HSD17B3: variants seen among roughly 807,000 people sequenced by gnomAD.
HSD17B3 encodes the protein 17-beta-hydroxysteroid dehydrogenase type 3.
Under a neutral mutation model 41.1 loss-of-function variants are expected in HSD17B3, and 29 were observed. That is an observed-to-expected ratio of 0.71 (90% confidence interval 0.53 to 0.96). HSD17B3 has a LOEUF of 0.96. Among genes scored for constraint, HSD17B3 ranks in the 40% least tolerant of loss-of-function variants. HSD17B3 has a pLI of 0.00. For missense variants in HSD17B3, 323 were observed against 374.6 expected (o/e 0.86, Z 1.14); for synonymous variants, 126 against 145.6 (o/e 0.87, Z 0.97).
At chr9:96,266,381 T>G (rs1191136659) in intron 2 of HSD17B3, among the ~76,000 whole-genome samples, 1 of 152,010 alleles carries the variant, frequency 6.6e-6, no homozygotes, top group Non-Finnish European at 1.5e-5. Context: ...TAAGTGATCC[T>G]CCCACCTCAG....
At chr9:96,242,005 G>GAAAGAAAGAAAGAAAGAA (rs10639457) in intron 9 of HSD17B3, among the ~76,000 whole-genome samples, 3 of 68,530 alleles carry the variant, frequency 4.4e-5, no homozygotes, top group Non-Finnish European at 6.3e-5. Flanking sequence ...AAGAAAGAAA[G>GAAAGAAAGAAAGAAAGAA]AGAAAGAAAA....
intron 6 of HSD17B3, among the ~76,000 whole-genome samples, chr9:96,249,045 A>G (rs1172676369): frequency 6.6e-6 from 1 of 152,000 alleles, no homozygotes; most frequent in Non-Finnish European, 1.5e-5. Flanking sequence ...AGCTGGGATT[A>G]CAGGTGCCTG....
intron 2 of HSD17B3, among the ~76,000 whole-genome samples, chr9:96,256,033 G>A (rs1428173412): frequency 6.6e-6 from 1 of 152,196 alleles, no homozygotes; most frequent in Non-Finnish European, 1.5e-5. Flanking sequence ...AGAAAAGTTA[G>A]AGTTTTTCCT....
At position 96,251,476 on chromosome 9, in the gene HSD17B3, A is replaced by G. The variant is rs1825407679; in HGVS notation, c.395T>C (p.Val132Ala). The change falls in exon 5 of 11, where the codon GTC becomes GCC. Residue 132 changes from valine to alanine, a missense_variant. Val to Ala is a moderately conservative substitution (Grantham distance 64, BLOSUM62 0). Coordinates refer to ENST00000375263, the MANE Select transcript of HSD17B3 (RefSeq NM_000197.2). ...GLEIGILVNN[V>A]GMLPNLLPSH... ...TGGGAGAAGGTTTGGAAGCATTCCGACATTGTTGACTGGCAGAAAGAAGCA... is the reference window on the plus strand; with the variant it reads ...TGGGAGAAGGTTTGGAAGCATTCCGGCATTGTTGACTGGCAGAAAGAAGCA... 6.2e-7 allele frequency: 1 copy of G among 1,614,124 alleles called. No homozygotes were observed. Among genetic ancestry groups the G allele is most frequent in the Non-Finnish European group, 8.5e-7 (1 of 1,179,960 alleles).
At chr9:96,264,448 A>G (rs1305830858) in intron 2 of HSD17B3, among the ~76,000 whole-genome samples, 1 of 152,202 alleles carries the variant, frequency 6.6e-6, no homozygotes, top group Non-Finnish European at 1.5e-5. Flanking sequence ...AAAGTGGGAT[A>G]AAGGATCAGA....
At position 96,259,254 on chromosome 9, in the gene HSD17B3, A is replaced by G. The variant is rs376221933; in HGVS notation, c.202-4311T>C. On this transcript the variant is annotated intron_variant, in intron 2 of 10. Coordinates refer to ENST00000375263, the MANE Select transcript of HSD17B3 (RefSeq NM_000197.2). ...GAGAGAGTAGGCATCTGGGTGGACA[A>G]TGAGTTGTTCCTGCCACCAGGATCT... Among the ~76,000 whole-genome samples the G allele has an allele frequency of 1.2e-4, 18 of 152,276 alleles. No individual in the cohort carries two copies. The South Asian group carries it at 3.7e-3, about 32-fold the overall frequency.
intron 2 of HSD17B3, among the ~76,000 whole-genome samples, chr9:96,268,037 G>A (rs539709281): frequency 5.3e-5 from 8 of 152,290 alleles, no homozygotes; most frequent in African/African-American, 1.7e-4. Flanking sequence ...CGATTCTCCT[G>A]CCTCAACCTC....
At chr9:96,256,973 T>A (rs1250176930) in intron 2 of HSD17B3, among the ~76,000 whole-genome samples, 3 of 152,098 alleles carry the variant, frequency 2.0e-5, no homozygotes, top group African/African-American at 2.4e-5. Context: ...GAGTGAGTCA[T>A]CTCCGGATCT....
chr9:96,274,350 G>T (rs1351645446), intron 2 of HSD17B3, among the ~76,000 whole-genome samples: 1 of 152,116 alleles, frequency 6.6e-6, no homozygotes. Flanking sequence ...ATCCCAGCTG[G>T]CTCAGGAGGC....
intron 4 of HSD17B3, among the ~76,000 whole-genome samples, chr9:96,252,211 G>A (rs1014689315): frequency 1.3e-5 from 2 of 152,070 alleles, no homozygotes; most frequent in Non-Finnish European, 2.9e-5. Flanking sequence ...AAATGTCAAC[G>A]TCAGTTCCAT....
Position 96,249,736 on chromosome 9 carries a change from A to C in HSD17B3, c.489+15T>G. On this transcript the variant is annotated intron_variant, in intron 6 of 10. Coordinates refer to ENST00000375263, the MANE Select transcript of HSD17B3 (RefSeq NM_000197.2). ...CTACATGTTAATGCATTTCGCACAT[A>C]TATTGATCACATACCTTGACTACGG... 6.2e-7 allele frequency: 1 copy of C among 1,613,356 alleles called. No individual in the cohort carries two copies. Among genetic ancestry groups the C allele is most frequent in the South Asian group, 1.1e-5 (1 of 91,078 alleles).
At chr9:96,249,997 C>G in intron 5 of HSD17B3, 1 of 1,455,076 alleles carries the variant, frequency 6.9e-7, no homozygotes, top group Non-Finnish European at 9.0e-7. Flanking sequence ...TCTGTACCCA[C>G]GTCATCTTGA....
intron 2 of HSD17B3, among the ~76,000 whole-genome samples, chr9:96,279,303 G>A (rs1826593906): frequency 6.6e-6 from 1 of 152,106 alleles, no homozygotes; most frequent in East Asian, 1.9e-4. Context: ...ATCAATACAT[G>A]TAAGATGTAC....
chr9:96,291,280 G>A (rs1441733572), intron 2 of HSD17B3, among the ~76,000 whole-genome samples: 2 of 152,038 alleles, frequency 1.3e-5, no homozygotes, highest in Non-Finnish European at 2.9e-5. Context: ...GTGGAGAGCA[G>A]TAAAGAAGTG....
intron 2 of HSD17B3, among the ~76,000 whole-genome samples, chr9:96,277,276 G>T (rs1259100762): frequency 6.6e-6 from 1 of 151,936 alleles, no homozygotes; most frequent in Non-Finnish European, 1.5e-5. Context: ...GAGTGAAAAG[G>T]TAACCTACAA....
chr9:96,241,753 G>A (rs1256837790), intron 9 of HSD17B3, among the ~76,000 whole-genome samples: 1 of 151,984 alleles, frequency 6.6e-6, no homozygotes, highest in East Asian at 1.9e-4. Context: ...TGAGCAACAT[G>A]GCAAAACCTC....
chr9:96,299,521 G>A (rs545019776), intron 1 of HSD17B3, among the ~76,000 whole-genome samples: 38 of 152,190 alleles, frequency 2.5e-4, no homozygotes, highest in Non-Finnish European at 1.0e-4. Flanking sequence ...CAATAATAAC[G>A]ACGGATAACG....
rs1827412992 is a variant in HSD17B3, at chr9:96,297,492, AC to A, written c.201+923del. On this transcript the variant is annotated intron_variant, in intron 2 of 10. Coordinates refer to ENST00000375263, the MANE Select transcript of HSD17B3 (RefSeq NM_000197.2). ...CTCCCAAGTAGCTGGGATTACAGGCACCTGCCAACACACCCTGCTAATTTTT... is the reference window on the plus strand; with the variant it reads ...CTCCCAAGTAGCTGGGATTACAGGCACTGCCAACACACCCTGCTAATTTTT... Among the ~76,000 whole-genome samples, 3 of 151,822 alleles carry A rather than the reference AC, an allele frequency of 2.0e-5. No homozygotes were observed. In the South Asian group the frequency reaches 6.2e-4, roughly 32 times the overall value.
At chr9:96,244,167 G>A (rs929326982) in intron 9 of HSD17B3, 162 bp downstream of exon 9, 6 of 773,860 alleles carry the variant, frequency 7.8e-6, no homozygotes, top group South Asian at 2.8e-5. Context: ...AAAAGCCCAC[G>A]TGGCATCCCC....
Sources: allele counts gnomAD v4.1 joint callset (sites outside exome capture counted in the v4.1 genomes callset), GRCh38; gene constraint gnomAD v4.1.1; transcripts MANE v1.5; gene names NCBI Gene and HGNC (gene_info 2026-07-23, HGNC 2026-07-21).